DGKG: variants seen among roughly 807,000 people sequenced by gnomAD.
DGKG encodes DAG kinase gamma.
DGKG carries 78 observed loss-of-function variants against 105.3 expected under a neutral mutation model. The observed-to-expected ratio is 0.74, with a 90% CI of 0.62 to 0.89. DGKG has a LOEUF of 0.89. DGKG is among the 40% of genes least tolerant of loss of function. The probability of loss-of-function intolerance (pLI) is 0.00; values close to 1 mark genes in which losing one functional copy is unlikely to be tolerated. For synonymous variants in DGKG, 346 were observed against 367.1 expected (o/e 0.94, Z 0.66); for missense variants, 958 against 1,020.1 (o/e 0.94, Z 0.83).
intron 22 of DGKG, among the ~76,000 whole-genome samples, chr3:186,185,508 C>T (rs895182224): frequency 6.6e-6 from 1 of 152,142 alleles, no homozygotes. Flanking sequence ...ATGATCTCAT[C>T]AAGAGCTTCC....
intron 2 of DGKG, among the ~76,000 whole-genome samples, chr3:186,317,474 G>A (rs1214739476): frequency 6.6e-6 from 1 of 152,156 alleles, no homozygotes; most frequent in Admixed American, 6.5e-5. Context: ...TCCCCAGGAT[G>A]GGGTCCTACT....
At chr3:186,193,676 C>T (rs1718021347) in intron 21 of DGKG, among the ~76,000 whole-genome samples, 1 of 152,198 alleles carries the variant, frequency 6.6e-6, no homozygotes, top group East Asian at 1.9e-4. Context: ...AAAGTGGAGC[C>T]GAGCCCGGGA....
intron 24 of DGKG, among the ~76,000 whole-genome samples, chr3:186,154,995 G>C (rs770847844): frequency 5.9e-5 from 9 of 152,066 alleles, no homozygotes; most frequent in Non-Finnish European, 1.0e-4. Flanking sequence ...TTCTGCTATC[G>C]TCTAACTCTG....
intron 3 of DGKG, among the ~76,000 whole-genome samples, chr3:186,304,129 G>C (rs1371897879): frequency 6.6e-6 from 1 of 152,226 alleles, no homozygotes; most frequent in Admixed American, 6.5e-5. Context: ...GAAAGCTCCT[G>C]TGGCCTCCAC....
intron 3 of DGKG, among the ~76,000 whole-genome samples, chr3:186,299,767 CTCTTTCTTTCTTTCTTTCTTTCTTTCTT>C (rs56331660): frequency 1.0e-5 from 1 of 95,550 alleles, no homozygotes; most frequent in South Asian, 3.9e-4. Flanking sequence ...TTCTTCTTTT[CTCTTTCTTTCTTTCTTTCTTTCTTTCTT>C]TCTTTCTTTC....
chr3:186,343,422 C>G (rs1420847782), intron 1 of DGKG, among the ~76,000 whole-genome samples: 1 of 152,078 alleles, frequency 6.6e-6, no homozygotes, highest in Non-Finnish European at 1.5e-5. Context: ...TCCTGAGTAG[C>G]CAGGACCACA....
chr3:186,244,445 C>T (rs1560111992), intron 19 of DGKG, among the ~76,000 whole-genome samples: 1 of 150,172 alleles, frequency 6.7e-6, no homozygotes, highest in Non-Finnish European at 1.5e-5. Context: ...CACTCTGTCA[C>T]CCAAGCTGGA....
intron 22 of DGKG, among the ~76,000 whole-genome samples, chr3:186,179,399 A>T (rs1717251049): frequency 6.6e-6 from 1 of 152,212 alleles, no homozygotes. Flanking sequence ...ACTGTAAAGG[A>T]CTGAGGATTG....
At chr3:186,221,692 C>T (rs971554114) in intron 20 of DGKG, among the ~76,000 whole-genome samples, 2 of 152,150 alleles carry the variant, frequency 1.3e-5, no homozygotes, top group African/African-American at 2.4e-5. Flanking sequence ...GGTGAGGCCT[C>T]GTGTTAGAAA....
intron 1 of DGKG, among the ~76,000 whole-genome samples, chr3:186,344,877 C>G (rs554579310): frequency 3.0e-4 from 46 of 152,230 alleles, no homozygotes; most frequent in African/African-American, 1.0e-3. Flanking sequence ...AAATGTTCTA[C>G]GAGCCCTAGA....
At chr3:186,222,877 C>T (rs2108531283) in intron 20 of DGKG, among the ~76,000 whole-genome samples, 1 of 150,864 alleles carries the variant, frequency 6.6e-6, no homozygotes, top group African/African-American at 2.4e-5. Flanking sequence ...GCTTGGGAGG[C>T]TGAGGCAGGA....
intron 1 of DGKG, among the ~76,000 whole-genome samples, chr3:186,354,692 C>T (rs1306199236): frequency 1.3e-5 from 2 of 152,184 alleles, no homozygotes; most frequent in Non-Finnish European, 2.9e-5. Context: ...CTTTAACTTT[C>T]ACTGAAGCAT....
chr3:186,206,439 G>A (rs1237684367), intron 21 of DGKG, among the ~76,000 whole-genome samples: 2 of 151,878 alleles, frequency 1.3e-5, no homozygotes, highest in Non-Finnish European at 2.9e-5. Context: ...CTTATTTTTA[G>A]CCAGTGAAAT....
intron 1 of DGKG, among the ~76,000 whole-genome samples, chr3:186,356,742 A>G (rs1354488814): frequency 3.3e-5 from 5 of 152,214 alleles, no homozygotes; most frequent in Admixed American, 6.5e-5. Flanking sequence ...AGGGTGGAGC[A>G]GTGAAAAGGG....
At chr3:186,257,806 T>G (rs953473937) in intron 17 of DGKG, 48 bp downstream of exon 17, 7 of 1,423,476 alleles carry the variant, frequency 4.9e-6, no homozygotes, top group Non-Finnish European at 6.9e-6. Context: ...TGATTGTAAA[T>G]ACGCTTACTA....
intron 1 of DGKG, among the ~76,000 whole-genome samples, chr3:186,356,610 T>C (rs1411423927): frequency 6.6e-6 from 1 of 152,188 alleles, no homozygotes; most frequent in Admixed American, 6.5e-5. Flanking sequence ...GTCTTCTCCA[T>C]GCTGATTAGG....
intron 3 of DGKG, among the ~76,000 whole-genome samples, chr3:186,303,900 C>T (rs1162046206): frequency 6.6e-6 from 1 of 152,346 alleles, no homozygotes; most frequent in East Asian, 1.9e-4. Flanking sequence ...CAGCAGTAAG[C>T]CATCAAACTC....
chr3:186,236,211 T>C (rs1036549308), intron 20 of DGKG, among the ~76,000 whole-genome samples: 1 of 152,140 alleles, frequency 6.6e-6, no homozygotes, highest in African/African-American at 2.4e-5. Flanking sequence ...ACTGCTGGGG[T>C]CTCCTCCAAC....
chr3:186,324,950 A>G (rs750412473), intron 1 of DGKG, among the ~76,000 whole-genome samples: 13 of 152,380 alleles, frequency 8.5e-5, no homozygotes, highest in East Asian at 7.7e-4. Context: ...GATTTATCCA[A>G]TTTATCCATT....
Sources: allele counts gnomAD v4.1 joint callset (sites outside exome capture counted in the v4.1 genomes callset), GRCh38; gene constraint gnomAD v4.1.1; transcripts MANE v1.5; gene names NCBI Gene and HGNC (gene_info 2026-07-23, HGNC 2026-07-21).